Variants in GALNT9 observed in about 807,000 individuals in gnomAD.
GALNT9 encodes polypeptide N-acetylgalactosaminyltransferase 9, also known as GalNAc transferase 9.
In GALNT9, 47 loss-of-function variants were observed where a neutral mutation model predicts 63.1. The ratio of observed to expected loss-of-function variants is 0.75; its 90% CI spans 0.59 to 0.95. The LOEUF is 0.95. Ranked by LOEUF, GALNT9 falls within the 40% of genes least tolerant of loss-of-function variation. The pLI, the probability that GALNT9 is intolerant of heterozygous loss-of-function variation, is 0.00. For missense variants in GALNT9, 829 were observed against 874.8 expected (o/e 0.95, Z 0.66); for synonymous variants, 396 against 365.7 (o/e 1.08, Z -0.94).
chr12:132,197,323 G>A, intron 10 of GALNT9, 70 bp from the exon 11 acceptor site: 1 of 1,577,050 alleles, frequency 6.3e-7, no homozygotes, highest in Middle Eastern at 1.7e-4. Flanking sequence ...ACCTCAGGGA[G>A]GCTGCTTCGT....
At chr12:132,288,242 A>G (rs1880679079) in intron 1 of GALNT9, among the ~76,000 whole-genome samples, 1 of 152,182 alleles carries the variant, frequency 6.6e-6, no homozygotes, top group African/African-American at 2.4e-5. Flanking sequence ...TCCCCTCAGC[A>G]GAGCCGAGGC....
intron 5 of GALNT9, among the ~76,000 whole-genome samples, chr12:132,251,867 C>T (rs1265725935): frequency 6.6e-6 from 1 of 152,184 alleles, no homozygotes; most frequent in Non-Finnish European, 1.5e-5. Context: ...CCCACCTCTT[C>T]CTGGAGGAAC....
Position 132,260,965 on chromosome 12 carries a change from G to A in GALNT9, c.744C>T (p.Val248=), listed in dbSNP as rs1555239686. 15 of 1,546,622 alleles carry A rather than the reference G, an allele frequency of 9.7e-6. No individual in the cohort carries two copies. The highest frequency in any genetic ancestry group is 2.5e-5 in the East Asian group (1 of 40,654). The change falls in exon 4 of 11, where the codon GTC becomes GTT. Residue 248 remains valine (V), a synonymous_variant. Coordinates refer to ENST00000328957, the MANE Select transcript of GALNT9 (RefSeq NM_001122636.2). Reference sequence around the variant, plus strand: ...GCCCTTACCAGCCCGTGTTGAACTCGACGTGGGCATCAAAGAAGCCGACGA... The same window carrying A: ...GCCCTTACCAGCCCGTGTTGAACTCAACGTGGGCATCAAAGAAGCCGACGA... ...APVVGFFDAH[V]EFNTGWAEPA... is the part of the protein sequence containing the mutation.
Position 132,327,940 on chromosome 12 carries a change from G to A in GALNT9, c.238+1026C>T, listed in dbSNP as rs151293958. Among the ~76,000 whole-genome samples, 1,723 of 151,898 alleles carry A rather than the reference G, an allele frequency of 0.011. 109 individuals are homozygous for A. Among genetic ancestry groups the A allele is most frequent in the East Asian group, 2.9e-3 (15 of 5,110 alleles). ...ACATCCGGAGCCCCCGCCTGCCCGC[G>A]TAACCCCAGCTCCCGTCACCTCCCA... On this transcript the variant is annotated intron_variant, in intron 1 of 10. Coordinates refer to ENST00000328957, the MANE Select transcript of GALNT9 (RefSeq NM_001122636.2). The surrounding 1 kb of genome is among the most constrained non-coding windows in gnomAD (Gnocchi z 4.3).
intron 6 of GALNT9, among the ~76,000 whole-genome samples, chr12:132,244,729 G>C (rs556725038): frequency 2.4e-5 from 1 of 40,982 alleles, no homozygotes; most frequent in African/African-American, 1.4e-4. Flanking sequence ...GGGGCTGGAT[G>C]GGGGGGCGTG....
chr12:132,204,187 G>A (rs964228279), intron 6 of GALNT9, among the ~76,000 whole-genome samples: 8 of 152,144 alleles, frequency 5.3e-5, no homozygotes, highest in East Asian at 1.9e-4. Flanking sequence ...ATAAAACCCC[G>A]CAGCCCCTGG....
intron 6 of GALNT9, among the ~76,000 whole-genome samples, chr12:132,239,320 TGA>T (rs782390451): frequency 2.2e-5 from 2 of 91,642 alleles, no homozygotes; most frequent in South Asian, 3.4e-4. Flanking sequence ...ACTGAGAGAC[TGA>T]GAGAGAGAGA....
At chr12:132,271,550 C>T (rs1222108848) in intron 2 of GALNT9, among the ~76,000 whole-genome samples, 2 of 152,152 alleles carry the variant, frequency 1.3e-5, no homozygotes, top group East Asian at 3.9e-4. Context: ...CCCGAGGTGA[C>T]GCCGACGTGG....
At chr12:132,290,923 A>T (rs1880798931) in intron 1 of GALNT9, among the ~76,000 whole-genome samples, 2 of 48,296 alleles carry the variant, frequency 4.1e-5, no homozygotes, top group Non-Finnish European at 3.5e-5. Context: ...ACCCACATCC[A>T]GAGCACCCAC....
intron 2 of GALNT9, among the ~76,000 whole-genome samples, chr12:132,267,484 C>G (rs1380712336): frequency 2.0e-5 from 3 of 152,194 alleles, no homozygotes; most frequent in Non-Finnish European, 1.5e-5. Context: ...GCCCAGCACC[C>G]CAGAGGGCTT....
rs1566024619 is a variant in GALNT9 at position 132,321,220 on chromosome 12, G to GGTCCAGAGTCGAGGCCCCTGTC, written c.238+7745_238+7746insGACAGGGGCCTCGACTCTGGAC. Among the ~76,000 whole-genome samples, 4 of 28,836 alleles carry GGTCCAGAGTCGAGGCCCCTGTC rather than the reference G, an allele frequency of 1.4e-4. No individual in the cohort carries two copies. The East Asian group carries it at 0.011, about 80-fold the overall frequency. 18.9% of individuals were successfully genotyped at this position (28,836 alleles called of 152,430 possible). On this transcript the variant is annotated intron_variant, in intron 1 of 10. Transcript: ENST00000328957. ...GTTGGTCCAGAGTCGAGGCCCCTGT[G>GGTCCAGAGTCGAGGCCCCTGTC]GGTCTGGAGTCGAGGCCCCTGTCGG...
rs375697319 is a variant in GALNT9, at chr12:132,207,642, G to A, written c.1078-3952C>T. 4.6e-5 allele frequency among the ~76,000 whole-genome samples: 7 copies of A among 152,208 alleles called. 1 individual carries two copies. Among genetic ancestry groups the A allele is most frequent in the South Asian group, 4.1e-4 (2 of 4,834 alleles). ...TACGGGAGAGGCGAGGCTCCCGGGC[G>A]GTGGGAGTCGGCCAACTTCCATCAT... On this transcript the variant is annotated intron_variant, in intron 6 of 10. Transcript: ENST00000328957.
At chr12:132,254,081 G>A (rs1364023511) in intron 5 of GALNT9, among the ~76,000 whole-genome samples, 2 of 151,690 alleles carry the variant, frequency 1.3e-5, no homozygotes, top group African/African-American at 4.9e-5. Context: ...GAGTGCAATG[G>A]CACCATCTCA....
At chr12:132,259,308 C>T (rs781990532) in intron 4 of GALNT9, among the ~76,000 whole-genome samples, 3 of 152,172 alleles carry the variant, frequency 2.0e-5, no homozygotes, top group African/African-American at 4.8e-5. Flanking sequence ...CCTCAGGCCT[C>T]GGGGAGCTTA....
chr12:132,276,558 GC>G (rs1442358967), intron 2 of GALNT9: 2 of 154,750 alleles, frequency 1.3e-5, no homozygotes, highest in Admixed American at 1.3e-4. Flanking sequence ...AGAGCTGACA[GC>G]CAGGCTGCTC....
At chr12:132,297,994 C>A (rs1484092964) in intron 1 of GALNT9, among the ~76,000 whole-genome samples, 3 of 151,990 alleles carry the variant, frequency 2.0e-5, no homozygotes, top group Non-Finnish European at 4.4e-5. Context: ...AACTCACTCA[C>A]TCCTGAGAAA....
rs1869109511 is a variant in GALNT9 at position 132,327,950 on chromosome 12, C to G, written c.238+1016G>C. Among the ~76,000 whole-genome samples, 1 of 152,276 alleles carries G rather than the reference C, an allele frequency of 6.6e-6. No homozygotes were observed. The highest frequency in any genetic ancestry group is 2.4e-5 in the African/African-American group (1 of 41,564). On this transcript the variant is annotated intron_variant, in intron 1 of 10. Transcript: ENST00000328957. The surrounding 1 kb of genome is among the most constrained non-coding windows in gnomAD (Gnocchi z 4.3). Reference sequence around the variant, plus strand: ...CCCCCGCCTGCCCGCGTAACCCCAGCTCCCGTCACCTCCCACTCGAGCCTG... The same window carrying G: ...CCCCCGCCTGCCCGCGTAACCCCAGGTCCCGTCACCTCCCACTCGAGCCTG...
rs1868687880 is a variant in GALNT9, at chr12:132,319,633, CACT to C, written c.238+9330_238+9332del. Among the ~76,000 whole-genome samples the C allele has an allele frequency of 6.6e-6, 1 of 152,166 alleles. No individual in the cohort carries two copies. The highest frequency in any genetic ancestry group is 6.5e-5 in the Admixed American group (1 of 15,276). On this transcript the variant is annotated intron_variant, in intron 1 of 10. Transcript: ENST00000328957. The surrounding 1 kb of genome is among the most constrained non-coding windows in gnomAD (Gnocchi z 5.2). ...TTCCTCGGGAGAGCCCTGACGCACA[CACT>C]AGCTGAGTTTGCTTTTCAACAGGCC...
At chr12:132,318,228 G>A (rs1555245857) in intron 1 of GALNT9, among the ~76,000 whole-genome samples, 1 of 152,258 alleles carries the variant, frequency 6.6e-6, no homozygotes. Flanking sequence ...AATGCTGACA[G>A]CCAAGGGCCT....
Sources: gnomAD v4.1 joint callset for allele counts (sites outside exome capture counted in the v4.1 genomes callset) on GRCh38, gnomAD v4.1.1 for gene constraint, Gnocchi (gnomAD v3.1) non-coding constraint, MANE v1.5 for transcripts, NCBI Gene and HGNC (gene_info 2026-07-23, HGNC 2026-07-21) for gene names.